The following ADAMTSL2 variants were observed in gnomAD, a reference collection of about 807,000 sequenced individuals.
ADAMTSL2 encodes the protein ADAMTS like 2, also known as ADAMTS-like protein 2.
ADAMTSL2 carries 55 observed loss-of-function variants against 117.0 expected under a neutral mutation model. The observed-to-expected ratio is 0.47, with a 90% CI of 0.38 to 0.59. ADAMTSL2 has a LOEUF of 0.59. Ranked by LOEUF, ADAMTSL2 falls within the 20% of genes least tolerant of loss-of-function variation. ADAMTSL2 has a pLI of 0.00. For synonymous variants in ADAMTSL2, 572 were observed against 566.4 expected, an observed-to-expected ratio of 1.01 and a Z score of -0.14; for missense variants, 1,182 against 1,354.5, an observed-to-expected ratio of 0.87 and a Z score of 2.00.
At chr9:133,569,902 C>A (rs1167482421) in intron 16 of ADAMTSL2, among the ~76,000 whole-genome samples, 1 of 152,204 alleles carries the variant, frequency 6.6e-6, no homozygotes, top group Non-Finnish European at 1.5e-5. Flanking sequence ...GGCCCAGGGG[C>A]CTTTGCGACC....
At chr9:133,550,073 C>G (rs1275378782) in intron 9 of ADAMTSL2, among the ~76,000 whole-genome samples, 1 of 152,234 alleles carries the variant, frequency 6.6e-6, no homozygotes, top group African/African-American at 2.4e-5. Context: ...GACCCTTGCA[C>G]CCACATCCGC....
chr9:133,543,591 G>A (rs1021193003), intron 7 of ADAMTSL2, among the ~76,000 whole-genome samples: 1 of 152,214 alleles, frequency 6.6e-6, no homozygotes, highest in African/African-American at 2.4e-5. Context: ...AGGTGTGATG[G>A]TGTTAGGGGA....
intron 7 of ADAMTSL2, among the ~76,000 whole-genome samples, chr9:133,543,620 T>C (rs9802767): frequency 0.85 from 129,623 of 152,196 alleles, 55,938 homozygotes; most frequent in Non-Finnish European, 0.93. Flanking sequence ...AGGCGGGTAC[T>C]GGCCTGCAGG....
intron 11 of ADAMTSL2, among the ~76,000 whole-genome samples, chr9:133,559,643 C>A (rs1045157496): frequency 8.6e-5 from 13 of 151,400 alleles, no homozygotes; most frequent in Admixed American, 3.3e-4. Context: ...AGAGTCACTG[C>A]GCCTGGCCCC....
At chr9:133,573,696 C>A in intron 17 of ADAMTSL2, 147 bp from the exon 18 acceptor site, 1 of 937,262 alleles carries the variant, frequency 1.1e-6, no homozygotes, top group Non-Finnish European at 1.6e-6. Context: ...TTCAAATGGG[C>A]TTCCACGGGT....
intron 12 of ADAMTSL2, 63 bp from the exon 13 acceptor site, chr9:133,566,873 G>C: frequency 6.4e-7 from 1 of 1,566,688 alleles, no homozygotes; most frequent in Non-Finnish European, 8.6e-7. Flanking sequence ...AAGTCCTGAG[G>C]CCTGTCTGCT....
intron 13 of ADAMTSL2, among the ~76,000 whole-genome samples, chr9:133,567,418 T>C (rs2131178106): frequency 6.6e-6 from 1 of 152,384 alleles, no homozygotes; most frequent in African/African-American, 2.4e-5. Context: ...CAAGATTCCA[T>C]GCCTATTGGC....
rs1831075801 is a variant in ADAMTSL2 at position 133,570,354 on chromosome 9, G to T, written c.2439G>T (p.Gly813=). ...WERCNTTCGR[G]VKKRLVLCME... ...AGTGCAACACCACCTGCGGGCGCGG[G>T]GTCAAGAAGCGGCTGGTGCTCTGCA... Residue 813 remains glycine, a synonymous_variant, in exon 17 of 19, where the codon GGG becomes GGT. Coordinates refer to ENST00000651351, the MANE Select transcript of ADAMTSL2 (RefSeq NM_014694.4). The T allele has an allele frequency of 2.6e-6, 4 of 1,549,948 alleles. No individual in the cohort carries two copies. The highest frequency in any genetic ancestry group is 1.7e-6 in the Non-Finnish European group (2 of 1,148,500).
At chr9:133,534,613 G>A, upstream of ADAMTSL2, 1 of 1,273,958 alleles carries the variant, frequency 7.8e-7, no homozygotes, top group African/African-American at 1.6e-5. Context: ...AGGCCGGCCG[G>A]CGCGGGCGGG....
chr9:133,570,564 C>G, intron 17 of ADAMTSL2, 57 bp downstream of exon 17: 1 of 1,545,446 alleles, frequency 6.5e-7, no homozygotes, highest in Non-Finnish European at 8.8e-7. Flanking sequence ...AATGTCGATC[C>G]CGCCCCTCCC....
rs972693155 is a variant in ADAMTSL2 at position 133,534,831 on chromosome 9, C to T, written c.-237C>T. 2.0e-6 allele frequency: 3 copies of T among 1,495,752 alleles called. No homozygotes were observed. In the African/African-American group the frequency reaches 4.3e-5, roughly 22 times the overall value. The allele number at this position is 1,495,752 out of a possible 1,614,324, so 92.7% of individuals were successfully genotyped here. ...CCGCAGCCTCTGCACTCACGCCGCC[C>T]CCGCACGCACAGCGCACCTGGCGCC... On this transcript the variant is annotated 5_prime_UTR_variant, in exon 1 of 19. Transcript: ENST00000651351.
chr9:133,574,995 C>T lies in ADAMTSL2; in HGVS notation c.*131C>T, dbSNP rs941234387. On this transcript the variant is annotated 3_prime_UTR_variant, in exon 19 of 19. Coordinates refer to ENST00000651351, the MANE Select transcript of ADAMTSL2 (RefSeq NM_014694.4). ...TAAGAGACGTGGCACTGAGCCTCGGCTGTCGAGAGGGGACTTCCCACGGCC... is the reference window on the plus strand; with the variant it reads ...TAAGAGACGTGGCACTGAGCCTCGGTTGTCGAGAGGGGACTTCCCACGGCC... The T allele has an allele frequency of 4.1e-6, 3 of 726,182 alleles. No homozygotes were observed. The highest frequency in any genetic ancestry group is 1.8e-5 in the African/African-American group (1 of 56,868). The allele number at this position is 726,182 out of a possible 1,614,324, so 45.0% of individuals were successfully genotyped here. A position where few individuals can be genotyped will look rare whatever the true frequency, so the allele number is the denominator to read the frequency against.
intron 10 of ADAMTSL2, 111 bp from the exon 11 acceptor site, chr9:133,555,447 C>T: frequency 1.4e-6 from 2 of 1,415,526 alleles, no homozygotes; most frequent in Non-Finnish European, 9.8e-7. Context: ...CTGGGAGCTT[C>T]TTGGTTCAGC....
chr9:133,536,808 TG>T lies in ADAMTSL2; in HGVS notation c.90+10del. 1 of 1,613,872 alleles carries T rather than the reference TG, an allele frequency of 6.2e-7. No homozygotes were observed. The highest frequency in any genetic ancestry group is 8.5e-7 in the Non-Finnish European group (1 of 1,179,964). ...CAGTGTCAACCGGGTCCACGGTGAG[TG>T]GGGTGTTGTGGTCTGAGGGCCCATG... On this transcript the variant is annotated splice_region_variant and intron_variant, in intron 2 of 18. Coordinates refer to ENST00000651351, the MANE Select transcript of ADAMTSL2 (RefSeq NM_014694.4).
Position 133,573,838 on chromosome 9 carries a change from A to G in ADAMTSL2, c.2593-5A>G. 1 of 1,613,886 alleles carries G rather than the reference A, an allele frequency of 6.2e-7. No homozygotes were observed. Among genetic ancestry groups the G allele is most frequent in the Non-Finnish European group, 8.5e-7 (1 of 1,179,974 alleles). On this transcript the variant is annotated splice_region_variant and splice_polypyrimidine_tract_variant and intron_variant, in intron 17 of 18. Coordinates refer to ENST00000651351, the MANE Select transcript of ADAMTSL2 (RefSeq NM_014694.4). ...TCCCCATGCCTTCTGTCTCTCCCAC[A>G]CCAGTGCACCAAGACCTGCGGGGTG...
At chr9:133,548,537 G>T (rs938251685) in intron 9 of ADAMTSL2, among the ~76,000 whole-genome samples, 1 of 152,010 alleles carries the variant, frequency 6.6e-6, no homozygotes. Flanking sequence ...TGTCAGGAGC[G>T]GTCTCAGGAA....
At position 133,554,532 on chromosome 9, in the gene ADAMTSL2, G is replaced by A; in HGVS notation, c.1115G>A (p.Gly372Asp). 1 of 1,549,356 alleles carries A rather than the reference G, an allele frequency of 6.5e-7. No individual in the cohort carries two copies. Reference protein sequence around the residue: ...GFVPHNGSLYGQASSERLGLD... With the variant: ...GFVPHNGSLYDQASSERLGLD... ...GTCCCGCACAACGGCTCCCTCTACGGCCAGGCCTCCTCAGAGCGGCTGGGC... is the reference window on the plus strand; with the variant it reads ...GTCCCGCACAACGGCTCCCTCTACGACCAGGCCTCCTCAGAGCGGCTGGGC... The change falls in exon 10 of 19, where the codon GGC (glycine) becomes GAC (aspartate). Residue 372 changes from glycine to aspartate, a missense_variant. By Grantham distance (94) the Gly-to-Asp change is moderately conservative (BLOSUM62 -1). Coordinates refer to ENST00000651351, the MANE Select transcript of ADAMTSL2 (RefSeq NM_014694.4). This position sits in a 1 kb window ranked among gnomAD's most constrained non-coding sequence, Gnocchi z 5.2.
chr9:133,572,745 G>A lies in ADAMTSL2; in HGVS notation c.2593-1098G>A, dbSNP rs967307255. Among the ~76,000 whole-genome samples the A allele has an allele frequency of 1.4e-4, 22 of 152,292 alleles. 1 individual carries two copies. In the South Asian group the frequency reaches 2.7e-3, roughly 19 times the overall value. On this transcript the variant is annotated intron_variant, in intron 17 of 18. Transcript: ENST00000651351. ...CAGACGAGGTGCAGCTGGCACAGAC[G>A]GCTGGTGGGCGCGTGGACTCCTTCT...
Position 133,537,460 on chromosome 9 carries a change from G to T in ADAMTSL2, c.146G>T (p.Trp49Leu). ...LEGGTDATAF[W>L]WGEWTKWTAC... is the part of the protein sequence containing the mutation. ...GGGGGCACCGACGCCACGGCCTTCT[G>T]GTGGGGGGAGTGGACCAAGTGGACG... Residue 49 changes from tryptophan to leucine, a missense_variant, in exon 3 of 19, where the codon TGG becomes TTG. Transcript: ENST00000651351. 7.4e-7 allele frequency: 1 copy of T among 1,359,466 alleles called. No individual in the cohort carries two copies. The allele number at this position is 1,359,466 out of a possible 1,614,324, so 84.2% of individuals were successfully genotyped here. A position where few individuals can be genotyped will look rare whatever the true frequency, so the allele number is the denominator to read the frequency against.
Sources: gnomAD v4.1 joint callset for allele counts (sites outside exome capture counted in the v4.1 genomes callset) on GRCh38, gnomAD v4.1.1 for gene constraint, Gnocchi (gnomAD v3.1) non-coding constraint, MANE v1.5 for transcripts, NCBI Gene and HGNC (gene_info 2026-07-23, HGNC 2026-07-21) for gene names.